Variants in MAP3K20 observed in about 807,000 individuals in gnomAD.
MAP3K20 encodes mitogen-activated protein kinase kinase kinase 20, also known as HCCS-4.
In MAP3K20, 40 loss-of-function variants were observed where a neutral mutation model predicts 85.7. The observed-to-expected ratio is 0.47, with a 90% CI of 0.36 to 0.61. The LOEUF (loss-of-function observed/expected upper bound fraction) is 0.61, where lower values mean the gene tolerates loss of function less well. MAP3K20 is among the 20% of genes least tolerant of loss of function. The pLI is 0.00. For synonymous variants in MAP3K20, 325 were observed against 327.7 expected, an observed-to-expected ratio of 0.99 and a Z score of 0.09; for missense variants, 817 against 961.7, an observed-to-expected ratio of 0.85 and a Z score of 1.99.
At chr2:173,252,223 A>C (rs942527386) in intron 16 of MAP3K20, among the ~76,000 whole-genome samples, 2 of 152,236 alleles carry the variant, frequency 1.3e-5, no homozygotes, top group African/African-American at 4.8e-5. Context: ...AAAAAAATTT[A>C]AACAGCTTGC....
chr2:173,232,995 T>G (rs940154913), intron 14 of MAP3K20, among the ~76,000 whole-genome samples: 1 of 152,202 alleles, frequency 6.6e-6, no homozygotes, highest in African/African-American at 2.4e-5. Flanking sequence ...CATGGTATAG[T>G]AGGACTCACA....
Position 173,266,639 on chromosome 2 carries a change from C to A in MAP3K20, c.2292C>A (p.Ser764Arg), listed in dbSNP as rs770195520. 2 of 1,613,404 alleles carry A rather than the reference C, an allele frequency of 1.2e-6. No homozygotes were observed. Among genetic ancestry groups the A allele is most frequent in the African/African-American group, 2.7e-5 (2 of 74,796 alleles). Residue 764 changes from serine (S) to arginine (R), a missense_variant, in exon 20 of 20, where the codon AGC (serine) becomes AGA (arginine). Physicochemically the swap from Ser to Arg is moderately radical, Grantham distance 110. This residue lies in a region of MAP3K20 where 454 missense variants were observed against 476.9 expected (regional missense o/e 0.95). Transcript: ENST00000375213. Reference sequence around the variant, plus strand: ...CCAGTGAAGAGGACAGCAAAGTCAGCGAAGGGGGCTGGACAAAAGTGGAAT... The same window carrying A: ...CCAGTGAAGAGGACAGCAAAGTCAGAGAAGGGGGCTGGACAAAAGTGGAAT... The part of the protein sequence containing the change: ...SRASEEDSKV[S>R]EGGWTKVEYR...
intron 2 of MAP3K20, among the ~76,000 whole-genome samples, chr2:173,107,386 A>G (rs1687812795): frequency 6.6e-6 from 1 of 152,038 alleles, no homozygotes; most frequent in African/African-American, 2.4e-5. Flanking sequence ...TTGAGAAGAT[A>G]TGGGAGGAGG....
chr2:173,249,660 C>T (rs1684999173), intron 16 of MAP3K20, among the ~76,000 whole-genome samples: 1 of 152,182 alleles, frequency 6.6e-6, no homozygotes, highest in Admixed American at 6.5e-5. Context: ...CAAGCGAGAT[C>T]AACTTCTATA....
chr2:173,095,580 T>C (rs1687435158), intron 2 of MAP3K20, among the ~76,000 whole-genome samples: 1 of 152,210 alleles, frequency 6.6e-6, no homozygotes, highest in Non-Finnish European at 1.5e-5. Flanking sequence ...TTTAGCAAAA[T>C]GTATCAAGAA....
chr2:173,216,414 T>C (rs10173050), intron 10 of MAP3K20, among the ~76,000 whole-genome samples: 84,851 of 151,982 alleles, frequency 0.56, 25,258 homozygotes, highest in Non-Finnish European at 0.68. Context: ...GGGTCTTTTA[T>C]AAAATAATGA....
chr2:173,077,110 C>T (rs558793267), intron 1 of MAP3K20, among the ~76,000 whole-genome samples: 1 of 152,122 alleles, frequency 6.6e-6, no homozygotes, highest in Admixed American at 6.6e-5. Context: ...GCTCTCGATA[C>T]TGGTGTGTGA....
intron 11 of MAP3K20, chr2:173,222,284 AT>A: frequency 7.1e-6 from 7 of 985,890 alleles, no homozygotes; most frequent in African/African-American, 1.7e-5. Flanking sequence ...TTATAACAAA[AT>A]GCTCTTCAGA....
At chr2:173,173,539 A>G (rs775278014) in intron 3 of MAP3K20, among the ~76,000 whole-genome samples, 2 of 152,208 alleles carry the variant, frequency 1.3e-5, no homozygotes, top group Non-Finnish European at 2.9e-5. Context: ...AACCCAGCCA[A>G]GGAAAACATA....
At chr2:173,264,703 A>G (rs575724138) in intron 19 of MAP3K20, among the ~76,000 whole-genome samples, 51 of 152,304 alleles carry the variant, frequency 3.3e-4, no homozygotes, top group African/African-American at 1.2e-3. Flanking sequence ...TCAGGGTTCT[A>G]TTGGAAGGCA....
At chr2:173,200,524 A>C (rs751936130) in intron 8 of MAP3K20, among the ~76,000 whole-genome samples, 1 of 152,212 alleles carries the variant, frequency 6.6e-6, no homozygotes, top group African/African-American at 2.4e-5. Flanking sequence ...GACATTTTAA[A>C]TGTTATCTAG....
intron 19 of MAP3K20, among the ~76,000 whole-genome samples, chr2:173,265,445 C>G (rs914809124): frequency 2.0e-5 from 3 of 152,216 alleles, no homozygotes; most frequent in African/African-American, 7.2e-5. Flanking sequence ...GAAAATACTT[C>G]TTATTCCCGA....
intron 11 of MAP3K20, among the ~76,000 whole-genome samples, chr2:173,219,794 C>T (rs781626966): frequency 1.2e-4 from 19 of 152,084 alleles, no homozygotes; most frequent in African/African-American, 2.7e-4. Flanking sequence ...TGAGGCCAGG[C>T]GCAGTGGCTC....
intron 7 of MAP3K20, chr2:173,192,901 G>C (rs926712914): frequency 2.0e-5 from 3 of 152,136 alleles, no homozygotes; most frequent in Non-Finnish European, 4.4e-5. Context: ...TTCTAGAAAG[G>C]ACCAGATAAT....
chr2:173,260,496 G>C (rs2106355956), intron 17 of MAP3K20, among the ~76,000 whole-genome samples: 1 of 152,248 alleles, frequency 6.6e-6, no homozygotes, highest in South Asian at 2.1e-4. Context: ...TATTTCTGAG[G>C]CTGTTTTTAT....
At chr2:173,174,598 G>T (rs1364014546) in intron 3 of MAP3K20, among the ~76,000 whole-genome samples, 3 of 152,122 alleles carry the variant, frequency 2.0e-5, no homozygotes, top group Non-Finnish European at 4.4e-5. Flanking sequence ...TCTTTATCCA[G>T]TCTATCATTG....
chr2:173,169,792 A>AT lies in MAP3K20; in HGVS notation c.160-7dup. Reference sequence around the variant, plus strand: ...GAAATGTTATGCAACTTTGCATTTTATTTTTTGTACAGGCAGAAATACTCA... The same window carrying AT: ...GAAATGTTATGCAACTTTGCATTTTATTTTTTTGTACAGGCAGAAATACTCA... On this transcript the variant is annotated splice_polypyrimidine_tract_variant and intron_variant, in intron 2 of 19. Transcript: ENST00000375213. 1.2e-6 allele frequency: 2 copies of AT among 1,605,754 alleles called. No homozygotes were observed. The highest frequency in any genetic ancestry group is 1.7e-6 in the Non-Finnish European group (2 of 1,177,452).
intron 11 of MAP3K20, among the ~76,000 whole-genome samples, chr2:173,228,008 T>C (rs1421870916): frequency 3.9e-5 from 6 of 152,240 alleles, no homozygotes; most frequent in Non-Finnish European, 8.8e-5. Context: ...CAAATCTTTC[T>C]CCTTTCCCCA....
rs990159955 is a variant in MAP3K20 at position 173,189,400 on chromosome 2, C to T, written c.416-1495C>T. On this transcript the variant is annotated intron_variant, in intron 5 of 19. Transcript: ENST00000375213. ...CATCTATCATGTTCAAGGCACTGCA[C>T]GGTTTACAAAAGAAACATCTGAAAC... Among the ~76,000 whole-genome samples, 6 of 152,196 alleles carry T rather than the reference C, an allele frequency of 3.9e-5. No homozygotes were observed. In the South Asian group the frequency reaches 1.2e-3, roughly 32 times the overall value.
Sources: gnomAD v4.1 joint callset for allele counts (sites outside exome capture counted in the v4.1 genomes callset) on GRCh38, gnomAD v4.1.1 for gene constraint, gnomAD v4.1.1 regional missense constraint, MANE v1.5 for transcripts, NCBI Gene and HGNC (gene_info 2026-07-23, HGNC 2026-07-21) for gene names.